The following MYLK variants were observed in gnomAD, a reference collection of about 807,000 sequenced individuals.
MYLK encodes myosin light chain kinase, smooth muscle.
In MYLK, 106 loss-of-function variants were observed where a neutral mutation model predicts 203.4. The ratio of observed to expected loss-of-function variants is 0.52; its 90% confidence interval spans 0.45 to 0.61. The LOEUF is 0.61. MYLK is among the 20% of genes least tolerant of loss of function. The pLI is 0.00. For missense variants in MYLK, 2,072 were observed against 2,442.3 expected, an observed-to-expected ratio of 0.85 and a Z score of 3.20; for synonymous variants, 867 against 959.5, an observed-to-expected ratio of 0.90 and a Z score of 1.78.
rs145171396 is a variant in MYLK, at chr3:123,704,218, A to G, written c.2391-2709T>C. ...TGGTGGCAGGGCAATAGCAGTAACTATTCCTACAGCCATACCCTTAAATCT... is the reference window on the plus strand; with the variant it reads ...TGGTGGCAGGGCAATAGCAGTAACTGTTCCTACAGCCATACCCTTAAATCT... On this transcript the variant is annotated intron_variant, in intron 16 of 33. Transcript: ENST00000360304. Among the ~76,000 whole-genome samples, 18 of 152,354 alleles carry G rather than the reference A, an allele frequency of 1.2e-4. No individual in the cohort carries two copies. The East Asian group carries it at 3.5e-3, about 29-fold the overall frequency.
intron 3 of MYLK, among the ~76,000 whole-genome samples, chr3:123,809,253 G>A (rs2065472296): frequency 6.6e-6 from 1 of 152,176 alleles, no homozygotes; most frequent in Non-Finnish European, 1.5e-5. Flanking sequence ...GGCCAGGCGT[G>A]GTGGCTCACG....
chr3:123,813,516 C>CT (rs556377390), intron 3 of MYLK, among the ~76,000 whole-genome samples: 5,421 of 146,282 alleles, frequency 0.037, 148 homozygotes, highest in Non-Finnish European at 0.06. Flanking sequence ...CTCTCTCTCT[C>CT]TTTTTTTTTT....
chr3:123,716,907 C>A (rs9851418), intron 13 of MYLK, among the ~76,000 whole-genome samples: 4,738 of 152,238 alleles, frequency 0.031, 101 homozygotes, highest in Non-Finnish European at 0.049. Flanking sequence ...ACACAAAGAA[C>A]CCATGTGGTA....
Position 123,709,755 on chromosome 3 carries a change from C to T in MYLK, c.1942+1G>A. ...CCCAAGAGAGAGCTGCAGAGACAGA[C>T]CTGACACTTGGACAGTCATAGTGAC... On this transcript the variant is annotated splice_donor_variant, in intron 14 of 33. Coordinates refer to ENST00000360304, the MANE Select transcript of MYLK (RefSeq NM_053025.4). LOFTEE classifies it high-confidence loss of function. 1 of 1,613,820 alleles carries T rather than the reference C, an allele frequency of 6.2e-7. No individual in the cohort carries two copies. Among genetic ancestry groups the T allele is most frequent in the Non-Finnish European group, 8.5e-7 (1 of 1,179,920 alleles).
At chr3:123,882,475 C>T (rs1276998732) in intron 1 of MYLK, among the ~76,000 whole-genome samples, 2 of 152,136 alleles carry the variant, frequency 1.3e-5, no homozygotes, top group African/African-American at 4.8e-5. Context: ...AGCTACCCTC[C>T]TCCTCAGCTA....
intron 2 of MYLK, among the ~76,000 whole-genome samples, chr3:123,858,615 C>T (rs1179753063): frequency 6.6e-6 from 1 of 152,110 alleles, no homozygotes; most frequent in African/African-American, 2.4e-5. Context: ...GTTCTCCTCC[C>T]TTGATAGCCA....
At chr3:123,807,596 C>T (rs2065416364) in intron 3 of MYLK, among the ~76,000 whole-genome samples, 1 of 152,150 alleles carries the variant, frequency 6.6e-6, no homozygotes, top group African/African-American at 2.4e-5. Context: ...CAGGGAAAAC[C>T]CTTACATTTG....
chr3:123,626,784 G>A, intron 31 of MYLK, 34 bp downstream of exon 31: 2 of 1,613,850 alleles, frequency 1.2e-6, no homozygotes, highest in South Asian at 1.1e-5. Context: ...AATATGAGGG[G>A]CAACATCCCA....
chr3:123,747,998 C>T (rs771655685), intron 5 of MYLK, among the ~76,000 whole-genome samples: 16 of 152,302 alleles, frequency 1.1e-4, no homozygotes, highest in Non-Finnish European at 1.8e-4. Flanking sequence ...AGTCTGTTCT[C>T]GCATTGTTAT....
chr3:123,748,554 G>A (rs189678990), intron 5 of MYLK, among the ~76,000 whole-genome samples: 6 of 152,332 alleles, frequency 3.9e-5, no homozygotes, highest in Admixed American at 3.3e-4. Context: ...CTGAAGTGAG[G>A]TGTGCTGTAA....
intron 2 of MYLK, among the ~76,000 whole-genome samples, chr3:123,864,234 T>C (rs115260537): frequency 6.6e-6 from 1 of 152,218 alleles, no homozygotes; most frequent in African/African-American, 2.4e-5. Flanking sequence ...TTCTGTAGGA[T>C]GATGGTAATG....
At position 123,614,293 on chromosome 3, in the gene MYLK, G is replaced by T; in HGVS notation, c.5557C>A (p.Arg1853Ser). 1 of 1,614,110 alleles carries T rather than the reference G, an allele frequency of 6.2e-7. No individual in the cohort carries two copies. The highest frequency in any genetic ancestry group is 8.5e-7 in the Non-Finnish European group (1 of 1,180,012). ...TCATCGTAGTCTATCTGGAAGTGGC[G>T]GGACTCCCTGATTGACTGGTCATCT... ...FKDDQSIRES[R>S]HFQIDYDEDG... Residue 1853 changes from arginine (R) to serine (S), a missense_variant, in exon 34 of 34, where the codon CGC becomes AGC. By Grantham distance (110) the Arg-to-Ser change is moderately radical. Around this residue, in one of 3 missense-constraint regions of MYLK, gnomAD observed 524 missense variants for 782.4 expected, o/e 0.67. Transcript: ENST00000360304.
intron 17 of MYLK, 121 bp from the exon 18 acceptor site, chr3:123,701,126 G>A: frequency 7.6e-7 from 1 of 1,323,546 alleles, no homozygotes; most frequent in Non-Finnish European, 1.0e-6. Flanking sequence ...GAGGGGATGG[G>A]GGAGGCCGGC....
chr3:123,707,413 C>A (rs527555574), intron 16 of MYLK, among the ~76,000 whole-genome samples: 6 of 152,222 alleles, frequency 3.9e-5, no homozygotes, highest in Non-Finnish European at 8.8e-5. Context: ...TGTTACACAG[C>A]AACAGATAAC....
Position 123,667,185 on chromosome 3 carries a change from C to A in MYLK, c.3655G>T (p.Asp1219Tyr). 6.2e-7 allele frequency: 1 copy of A among 1,614,136 alleles called. No homozygotes were observed. The highest frequency in any genetic ancestry group is 8.5e-7 in the Non-Finnish European group (1 of 1,179,994). ...SLPPVLGTES[D>Y]ATVKKKPAPK... ...GCAGGTTTCTTTTTCACAGTCGCAT[C>A]ACCTGAAACAAAGAAGTTCACAAGT... Residue 1219 changes from aspartate to tyrosine, a missense_variant and splice_region_variant, in exon 21 of 34, where the codon GAT becomes TAT. Asp to Tyr is a radical substitution (Grantham distance 160). Transcript: ENST00000360304.
At chr3:123,636,717 G>A (rs868178520) in intron 29 of MYLK, among the ~76,000 whole-genome samples, 4 of 152,182 alleles carry the variant, frequency 2.6e-5, no homozygotes, top group Admixed American at 6.5e-5. Flanking sequence ...ACTTGTCAGC[G>A]CCCCTTCTCC....
chr3:123,818,570 G>A (rs914476133), intron 3 of MYLK, among the ~76,000 whole-genome samples: 3 of 152,086 alleles, frequency 2.0e-5, no homozygotes, highest in African/African-American at 4.8e-5. Context: ...CATGCCTGTG[G>A]TCTCAGCCAC....
Position 123,682,212 on chromosome 3 carries a change from G to A in MYLK, c.3652+12C>T. 1.9e-6 allele frequency: 3 copies of A among 1,591,320 alleles called. No individual in the cohort carries two copies. Among genetic ancestry groups the A allele is most frequent in the Non-Finnish European group, 2.6e-6 (3 of 1,167,884 alleles). On this transcript the variant is annotated intron_variant, in intron 20 of 33. Transcript: ENST00000360304. ...CTCTGCCTCTGCCTGGTGAAGCTGG[G>A]CGAGTACTCACTCTCAGTTCCTAGC...
rs151179448 is a variant in MYLK, at chr3:123,712,239, G to A, written c.1805-2346C>T. Among the ~76,000 whole-genome samples, 7 of 152,340 alleles carry A rather than the reference G, an allele frequency of 4.6e-5. No individual in the cohort carries two copies. The East Asian group carries it at 5.8e-4, about 13-fold the overall frequency. On this transcript the variant is annotated intron_variant, in intron 13 of 33. Transcript: ENST00000360304. Reference sequence around the variant, plus strand: ...GATTGGAAATGCATTGATCTATCTCGTTTCTCTCACTAGGCTGCAGCAGTC... The same window carrying A: ...GATTGGAAATGCATTGATCTATCTCATTTCTCTCACTAGGCTGCAGCAGTC...
Sources: allele counts gnomAD v4.1 joint callset (sites outside exome capture counted in the v4.1 genomes callset), GRCh38; gene constraint gnomAD v4.1.1; regional missense constraint gnomAD v4.1.1; transcripts MANE v1.5; gene names NCBI Gene and HGNC (gene_info 2026-07-23, HGNC 2026-07-21).